INPP4A: variants seen among roughly 807,000 people sequenced by gnomAD.
INPP4A encodes the protein inositol polyphosphate-4-phosphatase, type I, 107kD.
Under a neutral mutation model 119.8 loss-of-function variants are expected in INPP4A, and 33 were observed. The observed-to-expected ratio is 0.28, with a 90% confidence interval of 0.21 to 0.37. The LOEUF is 0.37. Among genes scored for constraint, INPP4A ranks in the 10% least tolerant of loss-of-function variants. The pLI is 1.00. For synonymous variants in INPP4A, 496 were observed against 500.7 expected (o/e 0.99, Z 0.12); for missense variants, 956 against 1,289.9 (o/e 0.74, Z 3.97).
At chr2:98,525,727 A>G (rs1688068926) in intron 4 of INPP4A, among the ~76,000 whole-genome samples, 1 of 152,256 alleles carries the variant, frequency 6.6e-6, no homozygotes. Flanking sequence ...AGTTATACAA[A>G]TGAACAATAA....
At position 98,508,200 on chromosome 2, in the gene INPP4A, C is replaced by T. The variant is rs185341360; in HGVS notation, c.-165-10764C>T. ...AAGTCAGGGTCCAGCTTCCAGGTGG[C>T]CAGCTCTGGGCAAGGGAAGCAGGAG... On this transcript the variant is annotated intron_variant, in intron 1 of 24. Transcript: ENST00000409851. 1.5e-3 allele frequency among the ~76,000 whole-genome samples: 229 copies of T among 152,268 alleles called. 1 individual carries two copies. The highest frequency in any genetic ancestry group is 5.2e-3 in the African/African-American group (218 of 41,544).
In INPP4A at chr2:98,588,338, T is replaced by G; in HGVS notation, c.*730T>G. ...AGCAGTAAGGTCCCTTTAGCCTGTC[T>G]CCTGTTCTCTGAAGCTCCCTGCCGA... On this transcript the variant is annotated 3_prime_UTR_variant, in exon 25 of 25. Transcript: ENST00000409851. The G allele has an allele frequency of 5.0e-6, 1 of 200,758 alleles. No homozygotes were observed. The highest frequency in any genetic ancestry group is 1.0e-5 in the Non-Finnish European group (1 of 97,550). The allele number at this position is 200,758 out of a possible 1,614,324, so 12.4% of individuals were successfully genotyped here. A position where few individuals can be genotyped will look rare whatever the true frequency, so the allele number is the denominator to read the frequency against.
chr2:98,501,030 A>G (rs1683011584), intron 1 of INPP4A, among the ~76,000 whole-genome samples: 1 of 152,248 alleles, frequency 6.6e-6, no homozygotes, highest in Admixed American at 6.5e-5. Context: ...TGTTTAGGCC[A>G]GGTGCGGTGG....
At chr2:98,556,968 C>G (rs560673106) in intron 16 of INPP4A, among the ~76,000 whole-genome samples, 1 of 152,234 alleles carries the variant, frequency 6.6e-6, no homozygotes, top group African/African-American at 2.4e-5. Context: ...AATCGTGTTC[C>G]TTTTTAAAAT....
chr2:98,543,038 G>A (rs543355671), intron 10 of INPP4A, among the ~76,000 whole-genome samples: 7 of 152,040 alleles, frequency 4.6e-5, no homozygotes, highest in South Asian at 2.1e-4. Flanking sequence ...TCCTGCCTCA[G>A]CCTTCCAAGT....
At chr2:98,587,357 C>T in intron 24 of INPP4A, 119 bp from the exon 25 acceptor site, 1 of 1,066,086 alleles carries the variant, frequency 9.4e-7, no homozygotes, top group Non-Finnish European at 1.3e-6. Flanking sequence ...GTCCGGCACC[C>T]ATTTAAATTA....
In INPP4A at chr2:98,475,633, A is replaced by G. The variant is rs142079564; in HGVS notation, c.-166+30548A>G. Among the ~76,000 whole-genome samples the G allele has an allele frequency of 3.7e-3, 563 of 152,354 alleles. 2 individuals carry two copies. Among genetic ancestry groups the G allele is most frequent in the Non-Finnish European group, 6.1e-3 (417 of 68,034 alleles). Reference sequence around the variant, plus strand: ...ACTTTGTTTTTTTGCTTTAGGCGTCAGTATTACATTGCATGACCAACAATG... The same window carrying G: ...ACTTTGTTTTTTTGCTTTAGGCGTCGGTATTACATTGCATGACCAACAATG... On this transcript the variant is annotated intron_variant, in intron 1 of 24. Coordinates refer to ENST00000409851, the MANE Select transcript of INPP4A (RefSeq NM_001134225.2).
At chr2:98,492,370 T>C (rs1029453514) in intron 1 of INPP4A, among the ~76,000 whole-genome samples, 3 of 152,220 alleles carry the variant, frequency 2.0e-5, no homozygotes, top group Non-Finnish European at 4.4e-5. Context: ...TGGTTTGCTT[T>C]TTATGAAGTT....
rs753326435 is a variant in INPP4A at position 98,539,613 on chromosome 2, C to T, written c.756C>T (p.Ser252=). 9 of 1,611,732 alleles carry T rather than the reference C, an allele frequency of 5.6e-6. No individual in the cohort carries two copies. The highest frequency in any genetic ancestry group is 2.7e-5 in the African/African-American group (2 of 74,710). ...GGATCCTGGAGCAGATGGCAGAGAG[C>T]GTGCTCTCCCTGCACGTGCCCCGGC... ...HLRILEQMAE[S]VLSLHVPRQF... Residue 252 remains serine, a synonymous_variant, in exon 10 of 25, where the codon AGC becomes AGT. Coordinates refer to ENST00000409851, the MANE Select transcript of INPP4A (RefSeq NM_001134225.2).
chr2:98,524,070 A>G (rs1007689567), intron 4 of INPP4A, among the ~76,000 whole-genome samples: 2 of 152,160 alleles, frequency 1.3e-5, no homozygotes, highest in Admixed American at 6.5e-5. Context: ...GCTGTGCCAT[A>G]CTTATTTTAG....
chr2:98,581,605 A>G, intron 24 of INPP4A: 2 of 1,557,592 alleles, frequency 1.3e-6, no homozygotes, highest in Non-Finnish European at 1.7e-6. Flanking sequence ...GTCACCCAGA[A>G]GAACTTGAGC....
intron 24 of INPP4A, among the ~76,000 whole-genome samples, chr2:98,580,049 C>T (rs1699058215): frequency 1.3e-5 from 2 of 152,216 alleles, no homozygotes. Context: ...AAGACATGTA[C>T]CTGTTCAGGC....
chr2:98,544,072 C>G (rs1692036221), intron 11 of INPP4A, 65 bp downstream of exon 11: 8 of 1,405,008 alleles, frequency 5.7e-6, no homozygotes, highest in East Asian at 2.6e-5. Flanking sequence ...CACTCTCACT[C>G]TCACTCAGTC....
At chr2:98,473,328 GAGGGC>G (rs1266514969) in intron 1 of INPP4A, among the ~76,000 whole-genome samples, 1 of 150,914 alleles carries the variant, frequency 6.6e-6, no homozygotes, top group Non-Finnish European at 1.5e-5. Flanking sequence ...GGAGAGTGAG[GAGGGC>G]AGTGTGGGTG....
At position 98,486,621 on chromosome 2, in the gene INPP4A, G is replaced by GT. The variant is rs768978867; in HGVS notation, c.-165-32342dup. ...TGGTCCAGATCAAAGAGCTTTTAGG[G>GT]TGTGGGGCTGGATTTTTGCATACAG... On this transcript the variant is annotated intron_variant, in intron 1 of 24. Coordinates refer to ENST00000409851, the MANE Select transcript of INPP4A (RefSeq NM_001134225.2). Among the ~76,000 whole-genome samples the GT allele has an allele frequency of 3.3e-5, 5 of 152,066 alleles. No individual in the cohort carries two copies. In the East Asian group the frequency reaches 9.6e-4, roughly 29 times the overall value.
chr2:98,581,625 C>T, intron 24 of INPP4A: 1 of 1,571,422 alleles, frequency 6.4e-7, no homozygotes, highest in Non-Finnish European at 8.6e-7. Context: ...CGGCCTGGTG[C>T]CCATCCGAGA....
chr2:98,583,993 G>T (rs764440637), intron 24 of INPP4A, among the ~76,000 whole-genome samples: 1 of 152,232 alleles, frequency 6.6e-6, no homozygotes, highest in East Asian at 1.9e-4. Context: ...TCCAAGTGCA[G>T]TGTGTTCACT....
intron 13 of INPP4A, among the ~76,000 whole-genome samples, chr2:98,547,033 G>C (rs556078192): frequency 1.3e-5 from 2 of 152,328 alleles, no homozygotes; most frequent in Admixed American, 1.3e-4. Context: ...CATAGGCATC[G>C]AGCCTGGAGC....
rs920151973 is a variant in INPP4A, at chr2:98,591,025, C to G, written c.*3417C>G. The G allele has an allele frequency of 1.3e-5, 3 of 225,812 alleles. No homozygotes were observed. The highest frequency in any genetic ancestry group is 2.6e-5 in the Non-Finnish European group (3 of 113,642). 14.0% of individuals were successfully genotyped at this position (225,812 alleles called of 1,614,324 possible). On this transcript the variant is annotated 3_prime_UTR_variant, in exon 25 of 25. Transcript: ENST00000409851. ...TTGTTTTTAATATACAATGTATTAG[C>G]CCCTGTCATATGTTGCACACTTTTT...
Sources: allele counts gnomAD v4.1 joint callset (sites outside exome capture counted in the v4.1 genomes callset), GRCh38; gene constraint gnomAD v4.1.1; transcripts MANE v1.5; gene names NCBI Gene and HGNC (gene_info 2026-07-23, HGNC 2026-07-21).